NLRC5: variants seen among roughly 807,000 people sequenced by gnomAD.
NLRC5 encodes NLR family CARD domain containing 5, also known as protein NLRC5.
A neutral mutation model predicts 206.9 loss-of-function variants in NLRC5; 114 were observed. The ratio of observed to expected loss-of-function variants is 0.55; its 90% CI spans 0.47 to 0.64. NLRC5 has a LOEUF of 0.64. Ranked by LOEUF, NLRC5 falls within the 30% of genes least tolerant of loss-of-function variation. The probability of loss-of-function intolerance (pLI) is 0.00; values close to 1 mark genes in which losing one functional copy is unlikely to be tolerated. For missense variants in NLRC5, 2,008 were observed against 2,305.5 expected, an observed-to-expected ratio of 0.87 and a Z score of 2.64; for synonymous variants, 952 against 962.8, an observed-to-expected ratio of 0.99 and a Z score of 0.21.
At chr16:57,036,588 G>T (rs1482340343) in intron 14 of NLRC5, among the ~76,000 whole-genome samples, 1 of 151,834 alleles carries the variant, frequency 6.6e-6, no homozygotes, top group Non-Finnish European at 1.5e-5. Context: ...GGGGTGAGGG[G>T]TGGTGAGATG....
rs1425134352 is a variant in NLRC5, at chr16:57,056,284, A to T, written c.3746+765A>T. Among the ~76,000 whole-genome samples the T allele has an allele frequency of 3.9e-5, 6 of 152,274 alleles. No individual in the cohort carries two copies. The South Asian group carries it at 6.2e-4, about 16-fold the overall frequency. ...CAGAGAAGAAAAATGTGACTGATAA[A>T]ATCATGGATTTCTTTTTTTTTTAAG... On this transcript the variant is annotated intron_variant, in intron 27 of 48. Transcript: ENST00000688547.
intron 39 of NLRC5, among the ~76,000 whole-genome samples, chr16:57,075,548 C>A (rs1252170903): frequency 1.3e-5 from 2 of 152,114 alleles, no homozygotes; most frequent in Admixed American, 1.3e-4. Flanking sequence ...AACAAGCTTC[C>A]GGGTGGTATC....
chr16:57,078,016 C>T lies in NLRC5; in HGVS notation c.5077C>T (p.Leu1693=). 1 of 1,598,246 alleles carries T rather than the reference C, an allele frequency of 6.3e-7. No individual in the cohort carries two copies. The highest frequency in any genetic ancestry group is 8.6e-7 in the Non-Finnish European group (1 of 1,169,338). Residue 1693 remains leucine (L), a synonymous_variant, in exon 43 of 49, where the codon CTA becomes TTA. Transcript: ENST00000688547. ...GGAGCTGCCCCAGCACCTGAGGGTC[C>T]TACAGTGAGTGGCCCCCTGCCCATA... ...AQELPQHLRV[L]HLPFSHLGPG...
chr16:56,992,932 TA>T (rs2057087902), intron 1 of NLRC5, among the ~76,000 whole-genome samples: 1 of 152,172 alleles, frequency 6.6e-6, no homozygotes, highest in African/African-American at 2.4e-5. Flanking sequence ...TATGTAGTTT[TA>T]AAAATGTAAA....
In NLRC5 at chr16:57,043,580, A is replaced by C. The variant is rs2063551857; in HGVS notation, c.3179A>C (p.Gln1060Pro). 6.2e-7 allele frequency: 1 copy of C among 1,613,922 alleles called. No individual in the cohort carries two copies. Among genetic ancestry groups the C allele is most frequent in the South Asian group, 1.1e-5 (1 of 91,076 alleles). ...TTGGTTCGGTGCTTCTCCACTCTGC[A>C]GTGGCTCTTCCGCTTGGACATCAGG... ...LGLVRCFSTL[Q>P]WLFRLDISFE... Residue 1060 changes from glutamine (Q) to proline (P), a missense_variant, in exon 20 of 49, where the codon CAG becomes CCG. Gln to Pro is a moderately conservative substitution (Grantham distance 76, BLOSUM62 -1). Coordinates refer to ENST00000688547, the MANE Select transcript of NLRC5 (RefSeq NM_001384950.1).
chr16:57,077,452 G>C (rs34702866), intron 41 of NLRC5, 73 bp downstream of exon 41: 258,816 of 1,386,764 alleles, frequency 0.19, 26,488 homozygotes, highest in East Asian at 0.32. Flanking sequence ...GCCCCTAGCT[G>C]AGGCCAGCAT....
chr16:56,998,954 A>G (rs977109550), intron 1 of NLRC5, among the ~76,000 whole-genome samples: 6 of 152,218 alleles, frequency 3.9e-5, no homozygotes, highest in Admixed American at 3.9e-4. Flanking sequence ...AGTGCCAGAG[A>G]CTGGCTGGAT....
At chr16:57,034,508 AT>A (rs2062278530) in intron 13 of NLRC5, 1 of 439,734 alleles carries the variant, frequency 2.3e-6, no homozygotes, top group African/African-American at 2.0e-5. Context: ...TCCTCATTTT[AT>A]AGAGGAGGAA....
At position 57,026,702 on chromosome 16, in the gene NLRC5, T is replaced by C. The variant is rs771940042; in HGVS notation, c.1759T>C (p.Cys587Arg). ...CCACCTGGCGCAGGGCAATGAGGAC[T>C]GTGTGGGTGCCAAGCAGGCTGCTGT... ...LSHLAQGNED[C>R]VGAKQAAVVQ... is the part of the protein sequence containing the mutation. The change falls in exon 6 of 49, where the codon TGT (cysteine) becomes CGT (arginine). Residue 587 changes from cysteine (C) to arginine (R), a missense_variant. Cys to Arg is a radical substitution (Grantham distance 180). Coordinates refer to ENST00000688547, the MANE Select transcript of NLRC5 (RefSeq NM_001384950.1). The C allele has an allele frequency of 7.4e-6, 12 of 1,613,920 alleles. No individual in the cohort carries two copies. The Admixed American group carries it at 1.8e-4, about 25-fold the overall frequency.
At chr16:57,013,431 A>G (rs1428086278) in intron 1 of NLRC5, 2 of 660,808 alleles carry the variant, frequency 3.0e-6, no homozygotes, top group Non-Finnish European at 5.6e-6. Context: ...GATAAGTTCC[A>G]AAGTGTTTCT....
rs773329331 is a variant in NLRC5 at position 57,023,974 on chromosome 16, G to A, written c.424+121G>A. The A allele has an allele frequency of 3.1e-4, 284 of 913,166 alleles. 2 individuals are homozygous for A. In the African/African-American group the frequency reaches 4.1e-3, roughly 13 times the overall value. 56.6% of individuals were successfully genotyped at this position (913,166 alleles called of 1,614,324 possible). ...CCAGAGGCCCAGTGACTCTTGTCTC[G>A]CAAGTTTCCAGGAGAAAAGGACTGG... On this transcript the variant is annotated intron_variant, in intron 5 of 48. Transcript: ENST00000688547.
chr16:57,010,390 T>G (rs2059365200), intron 1 of NLRC5, among the ~76,000 whole-genome samples: 5 of 152,208 alleles, frequency 3.3e-5, no homozygotes. Context: ...TTTTTTGTTT[T>G]TTGACATGCG....
chr16:57,005,396 C>T (rs2058774374), intron 1 of NLRC5, among the ~76,000 whole-genome samples: 1 of 151,678 alleles, frequency 6.6e-6, no homozygotes, highest in African/African-American at 2.4e-5. Context: ...TGGTGGCTCA[C>T]ACCTGTAATC....
At chr16:57,051,403 T>C in intron 23 of NLRC5, 135 bp from the exon 24 acceptor site, 1 of 706,402 alleles carries the variant, frequency 1.4e-6, no homozygotes, top group East Asian at 2.5e-5. Flanking sequence ...GGATAACCCA[T>C]GGACCCAGTG....
chr16:57,070,129 G>A (rs1396581795), intron 37 of NLRC5, among the ~76,000 whole-genome samples: 1 of 152,180 alleles, frequency 6.6e-6, no homozygotes, highest in African/African-American at 2.4e-5. Flanking sequence ...GAGGGGCTGT[G>A]GGCATGGCTG....
intron 1 of NLRC5, among the ~76,000 whole-genome samples, chr16:57,000,962 C>T (rs2058169898): frequency 1.3e-5 from 2 of 152,208 alleles, no homozygotes; most frequent in African/African-American, 2.4e-5. Context: ...CTCCCAGGGC[C>T]TCAGTTTCCC....
chr16:57,050,892 AC>A (rs2064806343), intron 23 of NLRC5, among the ~76,000 whole-genome samples: 1 of 152,042 alleles, frequency 6.6e-6, no homozygotes, highest in African/African-American at 2.4e-5. Context: ...TCGCTCTGTC[AC>A]CCAGGCTGGA....
chr16:57,041,606 G>C (rs2063296427), intron 18 of NLRC5, 32 bp downstream of exon 18: 1 of 1,577,254 alleles, frequency 6.3e-7, no homozygotes, highest in Non-Finnish European at 8.7e-7. Context: ...AGGTGGGTGG[G>C]TGGGGCCAAT....
At chr16:57,011,731 A>G (rs2059527875) in intron 1 of NLRC5, among the ~76,000 whole-genome samples, 1 of 152,038 alleles carries the variant, frequency 6.6e-6, no homozygotes, top group African/African-American at 2.4e-5. Flanking sequence ...AAAAAAAAAA[A>G]AAAAGAAAAG....
Sources: gnomAD v4.1 joint callset for allele counts (sites outside exome capture counted in the v4.1 genomes callset) on GRCh38, gnomAD v4.1.1 for gene constraint, MANE v1.5 for transcripts, NCBI Gene and HGNC (gene_info 2026-07-23, HGNC 2026-07-21) for gene names.